Variants in ZNF804A observed in about 807,000 individuals in gnomAD.
ZNF804A encodes the protein zinc finger protein 804A.
ZNF804A carries 2 observed loss-of-function variants against 16.5 expected under a neutral mutation model. The ratio of observed to expected loss-of-function variants is 0.12; its 90% CI spans 0.05 to 0.38. The LOEUF (loss-of-function observed/expected upper bound fraction) is 0.38, where lower values mean the gene tolerates loss of function less well. Among genes scored for constraint, ZNF804A ranks in the 10% least tolerant of loss-of-function variants. The pLI is 0.99. For missense variants in ZNF804A, 1,473 were observed against 1,390.7 expected, an observed-to-expected ratio of 1.06 and a Z score of -0.94; for synonymous variants, 534 against 489.6, an observed-to-expected ratio of 1.09 and a Z score of -1.20.
chr2:184,857,531 T>C (rs1225597304), intron 1 of ZNF804A, among the ~76,000 whole-genome samples: 4 of 152,114 alleles, frequency 2.6e-5, no homozygotes, highest in African/African-American at 4.8e-5. Flanking sequence ...TGTTTCCTTA[T>C]TGATTTTCTG....
chr2:184,806,551 A>C (rs1249092391), intron 1 of ZNF804A, among the ~76,000 whole-genome samples: 1 of 151,860 alleles, frequency 6.6e-6, no homozygotes, highest in Non-Finnish European at 1.5e-5. Flanking sequence ...AGCCAGATAA[A>C]ATAATAGGAC....
At chr2:184,647,863 T>A (rs1691909407) in intron 1 of ZNF804A, among the ~76,000 whole-genome samples, 1 of 152,098 alleles carries the variant, frequency 6.6e-6, no homozygotes, top group Non-Finnish European at 1.5e-5. Flanking sequence ...AGAGGAGACA[T>A]CCAGATAGGA....
chr2:184,637,541 G>C (rs1691721166), intron 1 of ZNF804A, among the ~76,000 whole-genome samples: 1 of 152,042 alleles, frequency 6.6e-6, no homozygotes, highest in Non-Finnish European at 1.5e-5. Flanking sequence ...TCTGAAATTA[G>C]TTATGGCCAG....
At chr2:184,919,429 G>T (rs1052808956) in intron 2 of ZNF804A, among the ~76,000 whole-genome samples, 3 of 152,154 alleles carry the variant, frequency 2.0e-5, no homozygotes, top group Non-Finnish European at 4.4e-5. Context: ...TATGACCCCT[G>T]TTCCTGCCAC....
chr2:184,693,540 C>A (rs1239829584), intron 1 of ZNF804A, among the ~76,000 whole-genome samples: 1 of 152,188 alleles, frequency 6.6e-6, no homozygotes, highest in Non-Finnish European at 1.5e-5. Flanking sequence ...GGCTATGTTA[C>A]AGATGGCTTC....
At chr2:184,785,576 T>C (rs1694434470) in intron 1 of ZNF804A, among the ~76,000 whole-genome samples, 1 of 152,042 alleles carries the variant, frequency 6.6e-6, no homozygotes. Context: ...ATGGCCTTGC[T>C]ACATAGAAGT....
At chr2:184,868,837 T>A (rs6746385) in intron 2 of ZNF804A, among the ~76,000 whole-genome samples, 9,390 of 151,996 alleles carry the variant, frequency 0.062, 993 homozygotes, top group African/African-American at 0.21. Flanking sequence ...AAACTAAAAC[T>A]CCAGCCTAAT....
chr2:184,663,490 T>C (rs968228640), intron 1 of ZNF804A, among the ~76,000 whole-genome samples: 1 of 151,976 alleles, frequency 6.6e-6, no homozygotes, highest in African/African-American at 2.4e-5. Flanking sequence ...AGGTGCCCCG[T>C]GGCACAAACA....
At chr2:184,626,321 A>T (rs1195884280) in intron 1 of ZNF804A, among the ~76,000 whole-genome samples, 1 of 152,116 alleles carries the variant, frequency 6.6e-6, no homozygotes, top group African/African-American at 2.4e-5. Flanking sequence ...TGATCCTTTA[A>T]TACATTTCTA....
rs1692976932 is a variant in ZNF804A, at chr2:184,703,971, T to C, written c.111+104901T>C. Among the ~76,000 whole-genome samples, 3 of 152,192 alleles carry C rather than the reference T, an allele frequency of 2.0e-5. 1 individual carries two copies. The South Asian group carries it at 6.2e-4, about 32-fold the overall frequency. ...TTTCAAAATTACAAAATTTTTAGGA[T>C]AAACTACTTTGTTTTATTTCAAAGA... On this transcript the variant is annotated intron_variant, in intron 1 of 3. Transcript: ENST00000302277.
chr2:184,936,402 C>G lies in ZNF804A; in HGVS notation c.1006C>G (p.Pro336Ala), dbSNP rs766845173. Residue 336 changes from proline (P) to alanine (A), a missense_variant, in exon 4 of 4, where the codon CCA (proline) becomes GCA (alanine). Transcript: ENST00000302277. Reference protein sequence around the residue: ...QNSVPLADQIPLESVVINEDI... With the variant: ...QNSVPLADQIALESVVINEDI... ...TTCAGTCCCATTAGCAGATCAAATA[C>G]CACTAGAGAGTGTTGTTATTAATGA... The G allele has an allele frequency of 3.7e-6, 6 of 1,613,948 alleles. No individual in the cohort carries two copies. The highest frequency in any genetic ancestry group is 5.1e-6 in the Non-Finnish European group (6 of 1,179,930).
intron 1 of ZNF804A, among the ~76,000 whole-genome samples, chr2:184,740,236 T>C (rs888199488): frequency 3.9e-5 from 6 of 152,206 alleles, no homozygotes; most frequent in Admixed American, 3.3e-4. Context: ...TTAAGGCTCA[T>C]GTGCATTTGT....
intron 2 of ZNF804A, among the ~76,000 whole-genome samples, chr2:184,910,855 C>T (rs1458430802): frequency 2.0e-5 from 3 of 151,840 alleles, no homozygotes; most frequent in Non-Finnish European, 4.4e-5. Flanking sequence ...GTTCAAGTTC[C>T]TAATAGATTC....
chr2:184,873,930 C>G (rs191884653), intron 2 of ZNF804A, among the ~76,000 whole-genome samples: 5 of 152,108 alleles, frequency 3.3e-5, no homozygotes, highest in Non-Finnish European at 2.9e-5. Context: ...TATATATTAA[C>G]ATATTAAAAG....
At chr2:184,924,009 T>TTGTGTG (rs3046265) in intron 2 of ZNF804A, among the ~76,000 whole-genome samples, 10 of 149,488 alleles carry the variant, frequency 6.7e-5, no homozygotes, top group African/African-American at 1.5e-4. Context: ...TAGTTTTGTT[T>TTGTGTG]TGTGTGTGTG....
chr2:184,912,373 C>G (rs1458383161), intron 2 of ZNF804A, among the ~76,000 whole-genome samples: 1 of 151,834 alleles, frequency 6.6e-6, no homozygotes, highest in Non-Finnish European at 1.5e-5. Context: ...TAAGTTGTTT[C>G]CAAATATTGG....
At chr2:184,920,704 G>T (rs181605394) in intron 2 of ZNF804A, among the ~76,000 whole-genome samples, 1 of 152,306 alleles carries the variant, frequency 6.6e-6, no homozygotes, top group East Asian at 1.9e-4. Context: ...CATGATTTCA[G>T]TGGGTCTTAT....
chr2:184,788,238 A>G (rs1390394013), intron 1 of ZNF804A, among the ~76,000 whole-genome samples: 3 of 151,950 alleles, frequency 2.0e-5, no homozygotes, highest in African/African-American at 4.8e-5. Flanking sequence ...TTTTGTTACT[A>G]TAGCCTTATA....
chr2:184,752,410 C>G (rs1693890426), intron 1 of ZNF804A, among the ~76,000 whole-genome samples: 1 of 151,432 alleles, frequency 6.6e-6, no homozygotes, highest in South Asian at 2.1e-4. Context: ...TTCTTACTTA[C>G]AAGTGGGACT....
Sources: gnomAD v4.1 joint callset for allele counts (sites outside exome capture counted in the v4.1 genomes callset) on GRCh38, gnomAD v4.1.1 for gene constraint, MANE v1.5 for transcripts, NCBI Gene and HGNC (gene_info 2026-07-23, HGNC 2026-07-21) for gene names.